Variants in LSAMP observed in about 807,000 individuals in gnomAD.
LSAMP encodes the protein limbic system-associated membrane protein.
A neutral mutation model predicts 38.6 loss-of-function variants in LSAMP; 7 were observed. The ratio of observed to expected loss-of-function variants is 0.18; its 90% CI spans 0.10 to 0.34. LSAMP has a LOEUF of 0.34. LSAMP is among the 10% of genes least tolerant of loss of function. LSAMP has a pLI of 1.00. For missense variants in LSAMP, 313 were observed against 420.0 expected (o/e 0.75, Z 2.23); for synonymous variants, 154 against 166.8 (o/e 0.92, Z 0.59).
chr3:115,985,195 A>G (rs1191160608), intron 3 of LSAMP, among the ~76,000 whole-genome samples: 1 of 152,192 alleles, frequency 6.6e-6, no homozygotes, highest in Non-Finnish European at 1.5e-5. Flanking sequence ...TTTAACATTT[A>G]TTGTGATAGC....
intron 2 of LSAMP, among the ~76,000 whole-genome samples, chr3:116,073,902 C>T (rs1707670813): frequency 6.6e-6 from 1 of 152,044 alleles, no homozygotes; most frequent in African/African-American, 2.4e-5. Flanking sequence ...CATTGCAACC[C>T]ACATCACTGG....
At chr3:116,420,834 G>C (rs984343563) in intron 1 of LSAMP, among the ~76,000 whole-genome samples, 1 of 152,080 alleles carries the variant, frequency 6.6e-6, no homozygotes, top group African/African-American at 2.4e-5. Context: ...TGGAGCTCAC[G>C]CCACTGCACT....
At chr3:116,072,365 G>T (rs1576346076) in intron 2 of LSAMP, among the ~76,000 whole-genome samples, 2 of 152,200 alleles carry the variant, frequency 1.3e-5, no homozygotes, top group South Asian at 4.2e-4. Context: ...ATGAACATAT[G>T]AGTGCATGTA....
chr3:115,922,546 A>T (rs1379659570), intron 3 of LSAMP, among the ~76,000 whole-genome samples: 1 of 151,896 alleles, frequency 6.6e-6, no homozygotes, highest in Non-Finnish European at 1.5e-5. Flanking sequence ...ATATACTTCC[A>T]TTTTTAAATT....
intron 1 of LSAMP, among the ~76,000 whole-genome samples, chr3:116,331,198 T>C (rs1040847292): frequency 9.9e-5 from 15 of 151,960 alleles, no homozygotes; most frequent in African/African-American, 3.4e-4. Context: ...ATAGAAACTA[T>C]CAAGCCTGAG....
intron 6 of LSAMP, among the ~76,000 whole-genome samples, chr3:115,840,253 C>A (rs7632322): frequency 2.2e-4 from 34 of 152,060 alleles, no homozygotes; most frequent in Non-Finnish European, 3.5e-4. Context: ...CTCTATACAA[C>A]CTTCTTTTTA....
At chr3:116,025,969 G>T (rs1355809026) in intron 2 of LSAMP, among the ~76,000 whole-genome samples, 1 of 151,790 alleles carries the variant, frequency 6.6e-6, no homozygotes, top group Non-Finnish European at 1.5e-5. Context: ...TTGTTTTTCT[G>T]TGTGCATTGG....
At chr3:116,076,050 C>T (rs981208964) in intron 2 of LSAMP, among the ~76,000 whole-genome samples, 3 of 152,038 alleles carry the variant, frequency 2.0e-5, no homozygotes, top group Non-Finnish European at 4.4e-5. Flanking sequence ...AGTAAAAATA[C>T]AATTTTTTAA....
chr3:115,838,225 C>T (rs1338709678), intron 6 of LSAMP: 1 of 152,228 alleles, frequency 6.6e-6, no homozygotes, highest in Non-Finnish European at 1.5e-5. Context: ...GTACATACTG[C>T]AGAGTACATT....
intron 1 of LSAMP, among the ~76,000 whole-genome samples, chr3:116,397,446 T>G: frequency 7.0e-6 from 1 of 142,504 alleles, no homozygotes; most frequent in South Asian, 2.4e-4. Flanking sequence ...CCCTTTTCAC[T>G]TAATTTTTGT....
chr3:115,914,867 TC>T (rs1937213581), intron 3 of LSAMP, among the ~76,000 whole-genome samples: 1 of 152,218 alleles, frequency 6.6e-6, no homozygotes, highest in African/African-American at 2.4e-5. Context: ...TTTTTAGGAT[TC>T]TTTTGCACTG....
chr3:116,389,923 C>T (rs2048670714), intron 1 of LSAMP, among the ~76,000 whole-genome samples: 1 of 152,132 alleles, frequency 6.6e-6, no homozygotes, highest in Admixed American at 6.5e-5. Context: ...GGAATGAGCA[C>T]TCCCATAATT....
At chr3:115,835,699 C>T (rs919499062) in intron 6 of LSAMP, among the ~76,000 whole-genome samples, 1 of 152,164 alleles carries the variant, frequency 6.6e-6, no homozygotes, top group African/African-American at 2.4e-5. Context: ...TAGATTTTAC[C>T]TGGACTTTGG....
chr3:115,959,101 T>A (rs13078620), intron 3 of LSAMP, among the ~76,000 whole-genome samples: 1,754 of 152,306 alleles, frequency 0.012, 19 homozygotes, highest in Non-Finnish European at 0.02. Context: ...CTATCCTCTT[T>A]AGCAATAATC....
chr3:116,194,551 C>A (rs540010914), intron 1 of LSAMP, among the ~76,000 whole-genome samples: 1 of 152,142 alleles, frequency 6.6e-6, no homozygotes, highest in African/African-American at 2.4e-5. Context: ...CCCGCCACCA[C>A]GCCCAGCTAA....
intron 3 of LSAMP, among the ~76,000 whole-genome samples, chr3:115,920,088 A>G (rs139022967): frequency 1.3e-5 from 2 of 152,278 alleles, no homozygotes; most frequent in African/African-American, 2.4e-5. Context: ...TATCCTTTCA[A>G]TGAATATTTA....
At chr3:115,962,253 AT>A (rs1162212351) in intron 3 of LSAMP, among the ~76,000 whole-genome samples, 1 of 151,994 alleles carries the variant, frequency 6.6e-6, no homozygotes, top group Non-Finnish European at 1.5e-5. Context: ...ACTGACCACC[AT>A]TTTTTTCTTT....
At chr3:115,976,228 A>T (rs1386957118) in intron 3 of LSAMP, among the ~76,000 whole-genome samples, 1 of 152,212 alleles carries the variant, frequency 6.6e-6, no homozygotes, top group East Asian at 1.9e-4. Flanking sequence ...GCAAACTTAT[A>T]CTTTCACTAA....
chr3:116,055,803 A>G (rs1941481170), intron 2 of LSAMP, among the ~76,000 whole-genome samples: 1 of 152,240 alleles, frequency 6.6e-6, no homozygotes, highest in Admixed American at 6.6e-5. Context: ...GCAAATCTGC[A>G]TAGTCTATAT....
Sources: gnomAD v4.1 joint callset for allele counts (sites outside exome capture counted in the v4.1 genomes callset) on GRCh38, gnomAD v4.1.1 for gene constraint, MANE v1.5 for transcripts, NCBI Gene and HGNC (gene_info 2026-07-23, HGNC 2026-07-21) for gene names.